Variants in PSEN1 observed in about 807,000 individuals in gnomAD.
PSEN1 encodes the protein presenilin 1.
In PSEN1, 15 loss-of-function variants were observed where a neutral mutation model predicts 53.5. The ratio of observed to expected loss-of-function variants is 0.28; its 90% CI spans 0.19 to 0.43. The LOEUF (loss-of-function observed/expected upper bound fraction) is 0.43. Among genes scored for constraint, PSEN1 ranks in the 20% least tolerant of loss-of-function variants. The pLI is 1.00. For synonymous variants in PSEN1, 208 were observed against 209.8 expected, an observed-to-expected ratio of 0.99 and a Z score of 0.08; for missense variants, 387 against 571.2, an observed-to-expected ratio of 0.68 and a Z score of 3.29.
rs764971634 is a variant in PSEN1 at position 73,219,194 on chromosome 14, A to G, written c.1309A>G (p.Ile437Val). The G allele has an allele frequency of 5.0e-6, 8 of 1,613,742 alleles. No homozygotes were observed. The highest frequency in any genetic ancestry group is 6.8e-6 in the Non-Finnish European group (8 of 1,179,734). The change falls in exon 12 of 12, where the codon ATC becomes GTC. Residue 437 changes from isoleucine (I) to valine (V), a missense_variant. Ile to Val is a conservative substitution (Grantham distance 29). This residue lies in a region of PSEN1 where 44 missense variants were observed against 106.3 expected (regional missense o/e 0.41). Transcript: ENST00000324501. Reference protein sequence around the residue: ...IFKKALPALPISITFGLVFYF... With the variant: ...IFKKALPALPVSITFGLVFYF... ...CAAGAAAGCATTGCCAGCTCTTCCA[A>G]TCTCCATCACCTTTGGGCTTGTTTT...
At chr14:73,217,373 A>G in intron 11 of PSEN1, 129 bp downstream of exon 11, 1 of 1,046,550 alleles carries the variant, frequency 9.6e-7, no homozygotes, top group South Asian at 1.3e-5. Flanking sequence ...GAGCTTTTTG[A>G]TAATTGGACC....
chr14:73,159,512 G>T (rs140746584), intron 3 of PSEN1, among the ~76,000 whole-genome samples: 1 of 152,106 alleles, frequency 6.6e-6, no homozygotes, highest in Non-Finnish European at 1.5e-5. Flanking sequence ...GTTATACGTG[G>T]TCCAAGGTAT....
rs74856884 is a variant in PSEN1, at chr14:73,158,961, G to A, written c.87+10855G>A. On this transcript the variant is annotated intron_variant, in intron 3 of 11. Transcript: ENST00000324501. ...GTTTTAATTTACATTTCTCTATTGA[G>A]TAATGATGTTGAGTTTCTTTTCATG... is the stretch of plus-strand genomic sequence containing the variant. Among the ~76,000 whole-genome samples the A allele has an allele frequency of 8.3e-3, 1,266 of 152,240 alleles. 20 individuals are homozygous for A. The highest frequency in any genetic ancestry group is 0.029 in the African/African-American group (1,210 of 41,536).
chr14:73,206,924 A>G (rs1434545269), intron 9 of PSEN1, among the ~76,000 whole-genome samples: 2 of 152,230 alleles, frequency 1.3e-5, no homozygotes, highest in African/African-American at 4.8e-5. Flanking sequence ...CCTCTTGTCT[A>G]ACATGGCCAG....
At chr14:73,176,289 T>C (rs1488890315) in intron 5 of PSEN1, among the ~76,000 whole-genome samples, 1 of 152,236 alleles carries the variant, frequency 6.6e-6, no homozygotes, top group Non-Finnish European at 1.5e-5. Flanking sequence ...CTTAATTCCT[T>C]TTCTTTATCC....
chr14:73,144,274 T>TCAAATGATC (rs1897008103), intron 1 of PSEN1, among the ~76,000 whole-genome samples: 1 of 152,046 alleles, frequency 6.6e-6, no homozygotes. Context: ...ACTCCTGACC[T>TCAAATGATC]TGTGATCTGC....
rs1366707921 is a variant in PSEN1 at position 73,217,174 on chromosome 14, TTGGTAAAGCC to T, written c.1180_1189del (p.Gly394GlnfsTer12). 6.2e-7 allele frequency: 1 copy of T among 1,613,768 alleles called. No individual in the cohort carries two copies. Among genetic ancestry groups the T allele is most frequent in the Admixed American group, 1.7e-5 (1 of 60,016 alleles). ...GATTTCATTTTCTACAGTGTTCTGG[TTGGTAAAGCC>T]TCAGCAACAGCCAGTGGAGACTGGA... On this transcript the variant is annotated frameshift_variant, in exon 11 of 12. Transcript: ENST00000324501. LOFTEE classifies it high-confidence loss of function.
At chr14:73,206,195 A>C in intron 8 of PSEN1, 191 bp from the exon 9 acceptor site, 1 of 608,654 alleles carries the variant, frequency 1.6e-6, no homozygotes, top group Non-Finnish European at 3.0e-6. Flanking sequence ...GTAAACATTC[A>C]GTTTCAGAAC....
intron 3 of PSEN1, among the ~76,000 whole-genome samples, chr14:73,170,109 A>T (rs1897842627): frequency 6.6e-6 from 1 of 152,190 alleles, no homozygotes; most frequent in African/African-American, 2.4e-5. Flanking sequence ...GTCTTTTAGC[A>T]TGCTAATGTA....
intron 3 of PSEN1, among the ~76,000 whole-genome samples, chr14:73,153,113 AT>A (rs1435366014): frequency 6.6e-6 from 1 of 152,248 alleles, no homozygotes; most frequent in African/African-American, 2.4e-5. Flanking sequence ...GAGAAAAAAA[AT>A]AAATGAAATG....
At chr14:73,190,543 T>A (rs10136281) in intron 6 of PSEN1, among the ~76,000 whole-genome samples, 2,251 of 150,744 alleles carry the variant, frequency 0.015, 57 homozygotes, top group African/African-American at 0.051. Flanking sequence ...TAGAAAAGTA[T>A]ATATATGACA....
At chr14:73,191,033 G>T (rs1595032135) in intron 6 of PSEN1, among the ~76,000 whole-genome samples, 1 of 152,264 alleles carries the variant, frequency 6.6e-6, no homozygotes, top group South Asian at 2.1e-4. Flanking sequence ...TTTCTCCTCA[G>T]TTACCTCAGG....
At chr14:73,176,399 GTTTA>G (rs780354109) in intron 5 of PSEN1, among the ~76,000 whole-genome samples, 2 of 152,156 alleles carry the variant, frequency 1.3e-5, no homozygotes, top group Non-Finnish European at 2.9e-5. Flanking sequence ...TTGTTCTTCT[GTTTA>G]TTTCTCAGAT....
intron 5 of PSEN1, among the ~76,000 whole-genome samples, chr14:73,175,866 A>G (rs1290453181): frequency 3.3e-5 from 5 of 152,208 alleles, no homozygotes; most frequent in Admixed American, 1.3e-4. Context: ...GGTATTCAAA[A>G]TCTCGTTTTC....
intron 7 of PSEN1, among the ~76,000 whole-genome samples, chr14:73,197,154 T>C (rs141457172): frequency 0.027 from 4,050 of 152,142 alleles, 178 homozygotes; most frequent in African/African-American, 0.093. Flanking sequence ...AGGATGGTCT[T>C]GATCTCCTGA....
chr14:73,184,149 G>A (rs1898348503), intron 5 of PSEN1, among the ~76,000 whole-genome samples: 1 of 113,548 alleles, frequency 8.8e-6, no homozygotes, highest in African/African-American at 4.0e-5. Context: ...TGGCCGGCCG[G>A]GGGGCTGACC....
At chr14:73,201,609 G>A (rs901637230) in intron 8 of PSEN1, among the ~76,000 whole-genome samples, 9 of 152,148 alleles carry the variant, frequency 5.9e-5, no homozygotes, top group African/African-American at 1.9e-4. Context: ...GAGAATGGGT[G>A]GTGAAGAAGG....
intron 10 of PSEN1, among the ~76,000 whole-genome samples, chr14:73,213,543 C>T (rs1315630242): frequency 2.0e-5 from 3 of 152,224 alleles, no homozygotes; most frequent in African/African-American, 7.2e-5. Flanking sequence ...GTGTCACCAT[C>T]TCTGATGGTG....
intron 3 of PSEN1, chr14:73,169,486 C>T (rs898731382): frequency 6.6e-6 from 1 of 152,194 alleles, no homozygotes; most frequent in Non-Finnish European, 1.5e-5. Context: ...ACTTAACTGC[C>T]TGGTTATATC....
Sources: allele counts gnomAD v4.1 joint callset (sites outside exome capture counted in the v4.1 genomes callset), GRCh38; gene constraint gnomAD v4.1.1; regional missense constraint gnomAD v4.1.1; transcripts MANE v1.5; gene names NCBI Gene and HGNC (gene_info 2026-07-23, HGNC 2026-07-21).